Variants in SERPINB6 observed in about 807,000 individuals in gnomAD.
SERPINB6 encodes the protein serpin family B member 6, also known as serpin B6.
In SERPINB6, 16 loss-of-function variants were observed where a neutral mutation model predicts 26.1. The ratio of observed to expected loss-of-function variants is 0.61; its 90% CI spans 0.42 to 0.93. The LOEUF (loss-of-function observed/expected upper bound fraction) is 0.93, where lower values mean the gene tolerates loss of function less well. Among genes scored for constraint, SERPINB6 ranks in the 40% least tolerant of loss-of-function variants. The pLI is 0.00. For synonymous variants in SERPINB6, 174 were observed against 176.6 expected (o/e 0.99, Z 0.11); for missense variants, 420 against 478.0 (o/e 0.88, Z 1.13).
intron 1 of SERPINB6, chr6:2,969,013 AC>A: frequency 1.7e-6 from 2 of 1,211,086 alleles, no homozygotes; most frequent in Non-Finnish European, 2.1e-6. Context: ...TGCCTGCAGG[AC>A]CCTGAGTTTG....
intron 5 of SERPINB6, among the ~76,000 whole-genome samples, chr6:2,949,874 C>A (rs1452265387): frequency 2.0e-5 from 3 of 152,204 alleles, no homozygotes; most frequent in Non-Finnish European, 4.4e-5. Flanking sequence ...CTGCTACAGT[C>A]ACAGAGGCCT....
In SERPINB6 at chr6:2,948,604, T is replaced by C; in HGVS notation, c.825A>G (p.Lys275=). 6.2e-7 allele frequency: 1 copy of C among 1,614,108 alleles called. No homozygotes were observed. Among genetic ancestry groups the C allele is most frequent in the Non-Finnish European group, 8.5e-7 (1 of 1,179,986 alleles). ...TCTCCATGTCGTAGCTTTCCTCTAG[T>C]TTAAACCGCGGGAGGGACACTTCCA... ...EEVEVSLPRF[K]LEESYDMESV... is the part of the protein sequence containing the mutation. Residue 275 remains lysine (K), a synonymous_variant, in exon 7 of 7, where the codon AAA becomes AAG. Transcript: ENST00000380539. The surrounding 1 kb of genome is among the most constrained non-coding windows in gnomAD (Gnocchi z 5.0).
At chr6:2,951,044 A>G (rs1222953284) in intron 5 of SERPINB6, among the ~76,000 whole-genome samples, 1 of 152,216 alleles carries the variant, frequency 6.6e-6, no homozygotes, top group Non-Finnish European at 1.5e-5. Context: ...TACATGTACC[A>G]TCTCCGTCAC....
rs533180125 is a variant in SERPINB6, at chr6:2,964,906, G to A, written c.-10-5564C>T. Among the ~76,000 whole-genome samples the A allele has an allele frequency of 1.2e-4, 19 of 152,252 alleles. No homozygotes were observed. In the East Asian group the frequency reaches 1.7e-3, roughly 14 times the overall value. On this transcript the variant is annotated intron_variant, in intron 1 of 6. Transcript: ENST00000380539. ...GGCTGGAATGCAGTTGCATGATCAC[G>A]GCCCACTGCAGCCTCGAACTCCTGG...
At chr6:2,969,297 AG>A (rs1247739546) in intron 1 of SERPINB6, 1 of 985,400 alleles carries the variant, frequency 1.0e-6, no homozygotes, top group Non-Finnish European at 1.2e-6. Context: ...TGGCTTTTTA[AG>A]GACCTACTTC....
At chr6:2,958,913 G>A (rs920121759) in intron 2 of SERPINB6, among the ~76,000 whole-genome samples, 6 of 152,016 alleles carry the variant, frequency 3.9e-5, no homozygotes, top group African/African-American at 9.7e-5. Flanking sequence ...ACAAACTCAC[G>A]AACAAGCTAA....
In SERPINB6 at chr6:2,948,938, C is replaced by T. The variant is rs111416638; in HGVS notation, c.705G>A (p.Pro235=). The T allele has an allele frequency of 6.8e-6, 11 of 1,614,082 alleles. No homozygotes were observed. Among genetic ancestry groups the T allele is most frequent in the African/African-American group, 2.7e-5 (2 of 74,934 alleles). ...GKELNMIIML[P]DETTDLRTVE... ...CCGTTCTCAAGTCAGTGGTCTCGTC[C>T]GGAAGCATGATGATCATATTCAGTT... Residue 235 remains proline, a synonymous_variant, in exon 6 of 7, where the codon CCG becomes CCA. Coordinates refer to ENST00000380539, the MANE Select transcript of SERPINB6 (RefSeq NM_004568.6). The surrounding 1 kb of genome is among the most constrained non-coding windows in gnomAD (Gnocchi z 5.0).
Position 2,959,372 on chromosome 6 carries a change from T to G in SERPINB6, c.-10-30A>C, listed in dbSNP as rs775325291. ...AACAAGATTTAAAATCAGTATCACTTAAGCACAGCTTCCACGCGACTGCAT... is the reference window on the plus strand; with the variant it reads ...AACAAGATTTAAAATCAGTATCACTGAAGCACAGCTTCCACGCGACTGCAT... On this transcript the variant is annotated intron_variant, in intron 1 of 6. Coordinates refer to ENST00000380539, the MANE Select transcript of SERPINB6 (RefSeq NM_004568.6). The G allele has an allele frequency of 3.1e-6, 5 of 1,609,980 alleles. No individual in the cohort carries two copies. The Admixed American group carries it at 8.3e-5, about 27-fold the overall frequency.
rs903816158 is a variant in SERPINB6 at position 2,971,544 on chromosome 6, G to C, written c.-22C>G. 2 of 152,272 alleles carry C rather than the reference G, an allele frequency of 1.3e-5. No individual in the cohort carries two copies. Among genetic ancestry groups the C allele is most frequent in the African/African-American group, 2.4e-5 (1 of 41,458 alleles). 9.4% of individuals were successfully genotyped at this position (152,272 alleles called of 1,614,324 possible). ...AGCCAGACACGTACTCCAGAGCGGG[G>C]AGCGAGCGAGCAGAACGGCGGGCAG... On this transcript the variant is annotated 5_prime_UTR_variant, in exon 1 of 7. Transcript: ENST00000380539.
intron 4 of SERPINB6, among the ~76,000 whole-genome samples, chr6:2,953,695 G>A (rs1770086315): frequency 6.6e-6 from 1 of 152,082 alleles, no homozygotes; most frequent in Admixed American, 6.5e-5. Flanking sequence ...AATTAGCTGG[G>A]CATGGTGGTG....
At chr6:2,953,678 T>G (rs998892270) in intron 4 of SERPINB6, among the ~76,000 whole-genome samples, 110 of 151,926 alleles carry the variant, frequency 7.2e-4, no homozygotes, top group African/African-American at 2.5e-3. Flanking sequence ...AAAAAAAAAT[T>G]TATTAAAATT....
chr6:2,962,588 AT>A (rs1405937445), intron 1 of SERPINB6, among the ~76,000 whole-genome samples: 3 of 152,166 alleles, frequency 2.0e-5, no homozygotes, highest in African/African-American at 7.2e-5. Context: ...AAGAGCAAAA[AT>A]GTAGCTCAAT....
rs572963511 is a variant in SERPINB6, at chr6:2,949,269, C to T, written c.574-200G>A. Reference sequence around the variant, plus strand: ...TGGGGTGCCCAGGGCCCAAACCCAACGTGTCTTTCCTCTCATTGATCGCAT... The same window carrying T: ...TGGGGTGCCCAGGGCCCAAACCCAATGTGTCTTTCCTCTCATTGATCGCAT... On this transcript the variant is annotated intron_variant, in intron 5 of 6. Transcript: ENST00000380539. Among the ~76,000 whole-genome samples the T allele has an allele frequency of 5.3e-5, 8 of 152,344 alleles. No homozygotes were observed. The South Asian group carries it at 6.2e-4, about 12-fold the overall frequency.
In SERPINB6 at chr6:2,954,650, G is replaced by T; in HGVS notation, c.372C>A (p.Ile124=). ...GTTTTCTGGACTTCTCTACGGCGCTGATAAAGTCAAGCTCCTCCATCTCTG... is the reference window on the plus strand; with the variant it reads ...GTTTTCTGGACTTCTCTACGGCGCTTATAAAGTCAAGCTCCTCCATCTCTG... ...YQAEMEELDF[I]SAVEKSRKHI... Residue 124 remains isoleucine, a synonymous_variant, in exon 4 of 7, where the codon ATC becomes ATA. Transcript: ENST00000380539. The T allele has an allele frequency of 4.3e-6, 7 of 1,614,058 alleles. No individual in the cohort carries two copies. Among genetic ancestry groups the T allele is most frequent in the Non-Finnish European group, 5.9e-6 (7 of 1,180,024 alleles).
intron 1 of SERPINB6, chr6:2,969,516 A>G: frequency 1.0e-6 from 1 of 985,406 alleles, no homozygotes; most frequent in Non-Finnish European, 1.2e-6. Flanking sequence ...TGTATTTTTT[A>G]AACAAGCCTA....
In SERPINB6 at chr6:2,948,269, A is replaced by C; in HGVS notation, c.*29T>G. On this transcript the variant is annotated 3_prime_UTR_variant, in exon 7 of 7. Transcript: ENST00000380539. The surrounding 1 kb of genome is among the most constrained non-coding windows in gnomAD (Gnocchi z 5.0). Reference sequence around the variant, plus strand: ...TGGAGTGTCAGGGGACAGAGAGGAGAGGGGCTGCACACCAAGACTGCCCTG... The same window carrying C: ...TGGAGTGTCAGGGGACAGAGAGGAGCGGGGCTGCACACCAAGACTGCCCTG... 2 of 1,611,822 alleles carry C rather than the reference A, an allele frequency of 1.2e-6. No individual in the cohort carries two copies. Among genetic ancestry groups the C allele is most frequent in the South Asian group, 2.2e-5 (2 of 90,968 alleles).
At chr6:2,951,112 G>A (rs1170997142) in intron 5 of SERPINB6, among the ~76,000 whole-genome samples, 2 of 152,190 alleles carry the variant, frequency 1.3e-5, no homozygotes, top group Non-Finnish European at 2.9e-5. Context: ...TGGGCCAGGC[G>A]TGGTGGCTCA....
chr6:2,962,006 A>G (rs1771167635), intron 1 of SERPINB6: 2 of 985,054 alleles, frequency 2.0e-6, no homozygotes, highest in Admixed American at 6.2e-5. Flanking sequence ...GATTACAGCC[A>G]TGCACCACGC....
At chr6:2,963,096 C>A (rs1389935325) in intron 1 of SERPINB6, among the ~76,000 whole-genome samples, 1 of 151,930 alleles carries the variant, frequency 6.6e-6, no homozygotes, top group Non-Finnish European at 1.5e-5. Flanking sequence ...CAAAAAGCAG[C>A]CAGAATCAGT....
Sources: allele counts gnomAD v4.1 joint callset (sites outside exome capture counted in the v4.1 genomes callset), GRCh38; gene constraint gnomAD v4.1.1; non-coding constraint Gnocchi (gnomAD v3.1); transcripts MANE v1.5; gene names NCBI Gene and HGNC (gene_info 2026-07-23, HGNC 2026-07-21).